NRG3: variants seen among roughly 807,000 people sequenced by gnomAD.
The protein encoded by NRG3 is pro-neuregulin-3, membrane-bound isoform.
A neutral mutation model predicts 66.9 loss-of-function variants in NRG3; 31 were observed. The observed-to-expected ratio is 0.46, with a 90% CI of 0.35 to 0.63. NRG3 has a LOEUF of 0.63. NRG3 is among the 20% of genes least tolerant of loss of function. The pLI, the probability that NRG3 is intolerant of heterozygous loss-of-function variation, is 0.00. For synonymous variants in NRG3, 393 were observed against 359.4 expected, an observed-to-expected ratio of 1.09 and a Z score of -1.06; for missense variants, 910 against 878.9, an observed-to-expected ratio of 1.04 and a Z score of -0.45.
intron 3 of NRG3, among the ~76,000 whole-genome samples, chr10:82,822,870 T>C (rs2062013204): frequency 6.6e-6 from 1 of 151,858 alleles, no homozygotes; most frequent in African/African-American, 2.4e-5. Flanking sequence ...CTTCTAAAGC[T>C]CAAAGCTTCA....
chr10:82,632,590 G>GT (rs543985556), intron 2 of NRG3, among the ~76,000 whole-genome samples: 2 of 151,844 alleles, frequency 1.3e-5, no homozygotes, highest in Non-Finnish European at 2.9e-5. Context: ...TCTCCTGTGT[G>GT]TTTTTTTCTG....
chr10:82,573,744 C>T (rs2133141470), intron 2 of NRG3, among the ~76,000 whole-genome samples: 1 of 151,870 alleles, frequency 6.6e-6, no homozygotes, highest in East Asian at 1.9e-4. Flanking sequence ...GTCTGCATGG[C>T]TGTTGCTGCA....
intron 1 of NRG3, among the ~76,000 whole-genome samples, chr10:82,235,858 T>A (rs1025072256): frequency 1.3e-5 from 2 of 152,198 alleles, no homozygotes; most frequent in Middle Eastern, 3.2e-3. Context: ...CATGCATGAA[T>A]GAGTCCGCAT....
At chr10:82,833,597 G>A (rs1037546505) in intron 3 of NRG3, among the ~76,000 whole-genome samples, 23 of 152,170 alleles carry the variant, frequency 1.5e-4, no homozygotes, top group East Asian at 3.9e-4. Context: ...ATCTGCAGCC[G>A]ACCTTCCAAT....
At chr10:82,115,743 T>C (rs971360364) in intron 1 of NRG3, among the ~76,000 whole-genome samples, 3 of 152,146 alleles carry the variant, frequency 2.0e-5, no homozygotes, top group Admixed American at 6.6e-5. Context: ...GGTCCTGTTA[T>C]AGAAAAGTTC....
chr10:82,128,755 T>TC (rs2132462852), intron 1 of NRG3, among the ~76,000 whole-genome samples: 1 of 151,716 alleles, frequency 6.6e-6, no homozygotes, highest in Admixed American at 6.6e-5. Flanking sequence ...TTCTGGGGTT[T>TC]TTTTTGTTCA....
intron 2 of NRG3, among the ~76,000 whole-genome samples, chr10:82,604,126 A>G (rs980227833): frequency 6.6e-6 from 1 of 152,170 alleles, no homozygotes; most frequent in Non-Finnish European, 1.5e-5. Context: ...TGACAAGTGC[A>G]TAATGGCATG....
At chr10:82,826,219 A>G (rs1564539865) in intron 3 of NRG3, among the ~76,000 whole-genome samples, 1 of 152,210 alleles carries the variant, frequency 6.6e-6, no homozygotes, top group Non-Finnish European at 1.5e-5. Flanking sequence ...TTCATTTTAC[A>G]TAAAAAGAAT....
intron 3 of NRG3, among the ~76,000 whole-genome samples, chr10:82,783,479 T>C (rs543186393): frequency 0.02 from 3,072 of 151,754 alleles, 97 homozygotes; most frequent in African/African-American, 0.067. Flanking sequence ...GCCCAAAATC[T>C]CCTTAAGCTG....
intron 2 of NRG3, among the ~76,000 whole-genome samples, chr10:82,464,046 GT>G (rs2091644742): frequency 6.6e-6 from 1 of 152,140 alleles, no homozygotes; most frequent in Non-Finnish European, 1.5e-5. Context: ...TTAGCTTTCA[GT>G]CTTTACACTC....
At chr10:82,037,231 A>T (rs1415442923) in intron 1 of NRG3, among the ~76,000 whole-genome samples, 9 of 152,150 alleles carry the variant, frequency 5.9e-5, no homozygotes, top group Admixed American at 5.9e-4. Flanking sequence ...CCAGAGAACT[A>T]TGAGCACTGC....
At chr10:82,202,795 G>A (rs2074913639) in intron 1 of NRG3, among the ~76,000 whole-genome samples, 1 of 152,156 alleles carries the variant, frequency 6.6e-6, no homozygotes, top group Non-Finnish European at 1.5e-5. Flanking sequence ...GAAAGATGAA[G>A]AGGGCATTGT....
In NRG3 at chr10:82,751,567, T is replaced by C. The variant is rs114377285; in HGVS notation, c.1027+12917T>C. On this transcript the variant is annotated intron_variant, in intron 3 of 8. Coordinates refer to ENST00000372141, the MANE Select transcript of NRG3 (RefSeq NM_001010848.4). ...TAGTGTAAGCCAATTCAGCTACAAGTAACATTTATTAACAACCTATTCTAG... is the reference window on the plus strand; with the variant it reads ...TAGTGTAAGCCAATTCAGCTACAAGCAACATTTATTAACAACCTATTCTAG... Among the ~76,000 whole-genome samples the C allele has an allele frequency of 4.8e-3, 725 of 152,262 alleles. 4 individuals are homozygous for C. The highest frequency in any genetic ancestry group is 0.016 in the African/African-American group (669 of 41,568).
chr10:81,914,409 A>G (rs575830917), intron 1 of NRG3, among the ~76,000 whole-genome samples: 11 of 152,070 alleles, frequency 7.2e-5, no homozygotes, highest in Non-Finnish European at 1.6e-4. Context: ...TCTGATGGGT[A>G]CATTTCAAAA....
rs555918194 is a variant in NRG3, at chr10:82,691,424, T to C, written c.954-47153T>C. 6.6e-5 allele frequency among the ~76,000 whole-genome samples: 10 copies of C among 152,262 alleles called. No individual in the cohort carries two copies. The South Asian group carries it at 1.9e-3, about 28-fold the overall frequency. ...CTGCCTGCCAACCAGCTGCCTCCCC[T>C]GCCACCCCCGCACACACTGGTGATG... On this transcript the variant is annotated intron_variant, in intron 2 of 8. Coordinates refer to ENST00000372141, the MANE Select transcript of NRG3 (RefSeq NM_001010848.4).
At chr10:82,502,027 C>T (rs1200888278) in intron 2 of NRG3, among the ~76,000 whole-genome samples, 1 of 151,992 alleles carries the variant, frequency 6.6e-6, no homozygotes, top group African/African-American at 2.4e-5. Context: ...GAATGAAATC[C>T]GAAGAGATCC....
At chr10:82,130,712 T>C (rs912262128) in intron 1 of NRG3, among the ~76,000 whole-genome samples, 1 of 152,174 alleles carries the variant, frequency 6.6e-6, no homozygotes, top group Admixed American at 6.5e-5. Context: ...TGTTATTGCC[T>C]GTCTTTGGAT....
At chr10:82,598,840 A>G (rs372102884) in intron 2 of NRG3, among the ~76,000 whole-genome samples, 28 of 152,268 alleles carry the variant, frequency 1.8e-4, no homozygotes, top group East Asian at 1.2e-3. Flanking sequence ...ACCTAAGGTC[A>G]GGAGTTCAAG....
intron 1 of NRG3, among the ~76,000 whole-genome samples, chr10:81,951,837 G>T (rs1438787894): frequency 6.6e-6 from 1 of 152,206 alleles, no homozygotes; most frequent in African/African-American, 2.4e-5. Flanking sequence ...GTTTACTGCG[G>T]CACTATTCAC....
Sources: allele counts gnomAD v4.1 joint callset (sites outside exome capture counted in the v4.1 genomes callset), GRCh38; gene constraint gnomAD v4.1.1; transcripts MANE v1.5; gene names NCBI Gene and HGNC (gene_info 2026-07-23, HGNC 2026-07-21).